Variants in BPIFA1 observed in about 807,000 individuals in gnomAD.
BPIFA1 encodes BPI fold-containing family A member 1.
In BPIFA1, 24 loss-of-function variants were observed where a neutral mutation model predicts 25.1. The observed-to-expected ratio is 0.96, with a 90% confidence interval of 0.69 to 1.35. The LOEUF (loss-of-function observed/expected upper bound fraction) is 1.35. Ranked by LOEUF, BPIFA1 falls within the 40% of genes most tolerant of loss-of-function variation. The pLI, the probability that BPIFA1 is intolerant of heterozygous loss-of-function variation, is 0.00. For synonymous variants in BPIFA1, 139 were observed against 131.8 expected (o/e 1.05, Z -0.37); for missense variants, 344 against 303.7 (o/e 1.13, Z -0.99).
At chr20:33,241,299 G>C (rs1978965674) in intron 5 of BPIFA1, 86 bp from the exon 6 acceptor site, 6 of 1,252,650 alleles carry the variant, frequency 4.8e-6, no homozygotes, top group Non-Finnish European at 7.0e-6. Flanking sequence ...TGAGTGTTGA[G>C]ACTGTGGGGT....
At chr20:33,241,755 C>A (rs1398548594) in intron 6 of BPIFA1, among the ~76,000 whole-genome samples, 2 of 152,170 alleles carry the variant, frequency 1.3e-5, no homozygotes, top group Non-Finnish European at 2.9e-5. Flanking sequence ...CCTTCTATGG[C>A]CACAGACAGT....
chr20:33,242,450 T>A, intron 7 of BPIFA1, 37 bp from the exon 8 acceptor site: 2 of 1,611,796 alleles, frequency 1.2e-6, no homozygotes, highest in East Asian at 2.2e-5. Flanking sequence ...AGATCATAAC[T>A]GTCGTCTGTT....
At chr20:33,241,179 T>C (rs1028628524) in intron 5 of BPIFA1, among the ~76,000 whole-genome samples, 4 of 152,244 alleles carry the variant, frequency 2.6e-5, no homozygotes, top group Admixed American at 2.6e-4. Flanking sequence ...GTGTTTATCC[T>C]ACACATACCT....
rs1353223279 is a variant in BPIFA1 at position 33,239,798 on chromosome 20, G to A, written c.321-5G>A. On this transcript the variant is annotated splice_region_variant and splice_polypyrimidine_tract_variant and intron_variant, in intron 3 of 8. Coordinates refer to ENST00000354297, the MANE Select transcript of BPIFA1 (RefSeq NM_130852.3). ...TTTCCCCCTCCAATATTACTCCCTGGACAGCATAAAGGTCACTGACCCCCA... is the reference window on the plus strand; with the variant it reads ...TTTCCCCCTCCAATATTACTCCCTGAACAGCATAAAGGTCACTGACCCCCA... 8 of 1,612,806 alleles carry A rather than the reference G, an allele frequency of 5.0e-6. No homozygotes were observed. Among genetic ancestry groups the A allele is most frequent in the Non-Finnish European group, 6.8e-6 (8 of 1,178,922 alleles).
chr20:33,236,733 T>C (rs963650920), intron 1 of BPIFA1, among the ~76,000 whole-genome samples: 2 of 152,184 alleles, frequency 1.3e-5, no homozygotes, highest in Non-Finnish European at 2.9e-5. Flanking sequence ...GTCAAAATGA[T>C]AGAATGCATG....
intron 6 of BPIFA1, 70 bp from the exon 7 acceptor site, chr20:33,241,986 G>A: frequency 7.2e-7 from 1 of 1,396,614 alleles, no homozygotes; most frequent in Non-Finnish European, 1.0e-6. Context: ...TTTCCCCAGA[G>A]AACCCCCACT....
chr20:33,239,843 G>A lies in BPIFA1; in HGVS notation c.361G>A (p.Val121Met), dbSNP rs745341631. 3.1e-6 allele frequency: 5 copies of A among 1,614,094 alleles called. No homozygotes were observed. The highest frequency in any genetic ancestry group is 4.2e-6 in the Non-Finnish European group (5 of 1,180,030). ...TDPQLLELGL[V>M]QSPDGHRLYV... Reference sequence around the variant, plus strand: ...CCCCCAGCTGCTGGAACTTGGCCTTGTGCAGAGCCCTGATGGCCACCGTCT... The same window carrying A: ...CCCCCAGCTGCTGGAACTTGGCCTTATGCAGAGCCCTGATGGCCACCGTCT... Residue 121 changes from valine to methionine, a missense_variant, in exon 4 of 9, where the codon GTG becomes ATG. By Grantham distance (21) the Val-to-Met change is conservative (BLOSUM62 1). Coordinates refer to ENST00000354297, the MANE Select transcript of BPIFA1 (RefSeq NM_130852.3).
chr20:33,239,779 C>A (rs752141661), intron 3 of BPIFA1, 24 bp from the exon 4 acceptor site: 3 of 1,597,180 alleles, frequency 1.9e-6, no homozygotes, highest in South Asian at 2.2e-5. Flanking sequence ...AATGTTTCCC[C>A]CTCCAATATT....
chr20:33,237,667 G>T lies in BPIFA1; in HGVS notation c.-15-30G>T, dbSNP rs754747808. On this transcript the variant is annotated intron_variant, in intron 1 of 8. Coordinates refer to ENST00000354297, the MANE Select transcript of BPIFA1 (RefSeq NM_130852.3). The stretch of plus-strand genomic sequence containing the variant: ...GGATAAATTCCTCTCTGATACCCAT[G>T]CCATGTTGGACTTGTCATTCTGGCC... 17 of 1,393,670 alleles carry T rather than the reference G, an allele frequency of 1.2e-5. No homozygotes were observed. The African/African-American group carries it at 2.2e-4, about 18-fold the overall frequency. The allele number at this position is 1,393,670 out of a possible 1,614,324, so 86.3% of individuals were successfully genotyped here.
chr20:33,236,295 CT>C (rs1600637585), intron 1 of BPIFA1, among the ~76,000 whole-genome samples: 1 of 152,306 alleles, frequency 6.6e-6, no homozygotes, highest in African/African-American at 2.4e-5. Context: ...TAAGTTTTAG[CT>C]TGAGGTTACC....
At chr20:33,242,676 A>T in intron 8 of BPIFA1, 115 bp downstream of exon 8, 1 of 738,250 alleles carries the variant, frequency 1.4e-6, no homozygotes, top group South Asian at 1.7e-5. Flanking sequence ...ACATCTACAG[A>T]GGTACACACA....
chr20:33,240,259 G>A lies in BPIFA1; in HGVS notation c.455G>A (p.Arg152Lys), dbSNP rs755793160. The A allele has an allele frequency of 5.0e-6, 8 of 1,614,180 alleles. No homozygotes were observed. The highest frequency in any genetic ancestry group is 1.7e-5 in the Admixed American group (1 of 60,030). ...NTPLVGASLL[R>K]LAVKLDITAE... ...CCCCTGGTCGGTGCAAGTCTGTTGA[G>A]GCTGGCTGTGAAGCTGGACATCACT... is the stretch of plus-strand genomic sequence containing the variant. Residue 152 changes from arginine (R) to lysine (K), a missense_variant, in exon 5 of 9, where the codon AGG becomes AAG. Transcript: ENST00000354297.
intron 3 of BPIFA1, among the ~76,000 whole-genome samples, chr20:33,239,114 C>CAAGTGAA (rs2146499146): frequency 6.6e-6 from 1 of 152,284 alleles, no homozygotes; most frequent in African/African-American, 2.4e-5. Context: ...AATGGCCTCC[C>CAAGTGAA]TGCTTGATGG....
In BPIFA1 at chr20:33,239,805, T is replaced by C. The variant is rs754843094; in HGVS notation, c.323T>C (p.Ile108Thr). The change falls in exon 4 of 9, where the codon ATA becomes ACA. Residue 108 changes from isoleucine (I) to threonine (T), a missense_variant and splice_region_variant. By Grantham distance (89) the Ile-to-Thr change is moderately conservative. Coordinates refer to ENST00000354297, the MANE Select transcript of BPIFA1 (RefSeq NM_130852.3). ...VIPGLNNIID[I>T]KVTDPQLLEL... ...CTCCAATATTACTCCCTGGACAGCA[T>C]AAAGGTCACTGACCCCCAGCTGCTG... is the stretch of plus-strand genomic sequence containing the variant. 2 of 1,613,836 alleles carry C rather than the reference T, an allele frequency of 1.2e-6. No homozygotes were observed. The highest frequency in any genetic ancestry group is 2.2e-5 in the South Asian group (2 of 91,072).
In BPIFA1 at chr20:33,242,551, C is replaced by T. The variant is rs377322301; in HGVS notation, c.*24C>T. 2 of 1,612,848 alleles carry T rather than the reference C, an allele frequency of 1.2e-6. No individual in the cohort carries two copies. Among genetic ancestry groups the T allele is most frequent in the Non-Finnish European group, 1.7e-6 (2 of 1,178,948 alleles). On this transcript the variant is annotated 3_prime_UTR_variant, in exon 8 of 9. Coordinates refer to ENST00000354297, the MANE Select transcript of BPIFA1 (RefSeq NM_130852.3). ...AAGCCTTCCAGGAAGGGGCTGGCCT[C>T]TGCTGAGCTGGTAAGTGCCCTTCCC...
In BPIFA1 at chr20:33,237,838, A is replaced by T. The variant is rs772244544; in HGVS notation, c.127A>T (p.Ser43Cys). The T allele has an allele frequency of 2.1e-5, 33 of 1,593,300 alleles. No homozygotes were observed. In the South Asian group the frequency reaches 3.6e-4, roughly 17 times the overall value. The change falls in exon 2 of 9, where the codon AGT (serine) becomes TGT (cysteine). Residue 43 changes from serine to cysteine, a missense_variant. By Grantham distance (112) the Ser-to-Cys change is moderately radical. Transcript: ENST00000354297. ...PLNVNPALPLSPTGLAGSLTN... is the reference protein window; with the variant it reads ...PLNVNPALPLCPTGLAGSLTN... ...GAATGTGAATCCAGCCCTGCCCTTG[A>T]GTCCCACAGGTCTTGCAGGAAGCTT...
rs201372901 is a variant in BPIFA1, at chr20:33,239,896, G to T, written c.414G>T (p.Lys138Asn). 2 of 1,613,984 alleles carry T rather than the reference G, an allele frequency of 1.2e-6. No homozygotes were observed. Among genetic ancestry groups the T allele is most frequent in the Non-Finnish European group, 1.7e-6 (2 of 1,179,838 alleles). Residue 138 changes from lysine (K) to asparagine (N), a missense_variant, in exon 4 of 9, where the codon AAG becomes AAT. Lys to Asn is a moderately conservative substitution (Grantham distance 94, BLOSUM62 0). Transcript: ENST00000354297. ...ATGTCACCATCCCTCTCGGCATAAA[G>T]CTCCAAGTGAATACGTGAGTGGGTC... ...RLYVTIPLGI[K>N]LQVNTPLVGA...
At chr20:33,239,962 G>A (rs1417993275) in intron 4 of BPIFA1, 52 bp downstream of exon 4, 2 of 1,544,734 alleles carry the variant, frequency 1.3e-6, no homozygotes, top group South Asian at 2.2e-5. Flanking sequence ...GGGAGACCCT[G>A]GTGACCATGG....
At chr20:33,240,139 G>A (rs1182459774) in intron 4 of BPIFA1, 94 bp from the exon 5 acceptor site, 41 of 1,534,110 alleles carry the variant, frequency 2.7e-5, no homozygotes, top group Non-Finnish European at 3.4e-5. Context: ...GCAAGATGGA[G>A]TGAGGTGAGG....
Sources: allele counts gnomAD v4.1 joint callset (sites outside exome capture counted in the v4.1 genomes callset), GRCh38; gene constraint gnomAD v4.1.1; transcripts MANE v1.5; gene names NCBI Gene and HGNC (gene_info 2026-07-23, HGNC 2026-07-21).